Variants in KLF12 observed in about 807,000 individuals in gnomAD.
KLF12 encodes the protein Krueppel-like factor 12.
Under a neutral mutation model 37.8 loss-of-function variants are expected in KLF12, and 9 were observed. The ratio of observed to expected loss-of-function variants is 0.24; its 90% CI spans 0.14 to 0.42. KLF12 has a LOEUF of 0.42. Ranked by LOEUF, KLF12 falls within the 10% of genes least tolerant of loss-of-function variation. KLF12 has a pLI of 1.00. For missense variants in KLF12, 411 were observed against 516.0 expected (o/e 0.80, Z 1.97); for synonymous variants, 208 against 202.1 (o/e 1.03, Z -0.25).
At position 73,687,142 on chromosome 13, in the gene KLF12, A is replaced by G. The variant is rs937003182; in HGVS notation, c.*8348T>C. The G allele has an allele frequency of 5.9e-5, 9 of 152,600 alleles. No homozygotes were observed. Among genetic ancestry groups the G allele is most frequent in the Non-Finnish European group, 2.9e-5 (2 of 68,030 alleles). The allele number at this position is 152,600 out of a possible 1,614,324, so 9.5% of individuals were successfully genotyped here. ...TACATTCTTCTATGGACAAACATGA[A>G]TTTGCTGGTTTCTCTTTTTTTAAAT... is the stretch of plus-strand genomic sequence containing the variant. On this transcript the variant is annotated 3_prime_UTR_variant, in exon 8 of 8. Transcript: ENST00000377669.
chr13:74,154,345 T>C, the KLF12 span, among the ~76,000 whole-genome samples: 1 of 152,038 alleles, frequency 6.6e-6, no homozygotes, highest in African/African-American at 2.4e-5. Flanking sequence ...TTTATCCCAT[T>C]ATAAGTATTT....
the KLF12 span, among the ~76,000 whole-genome samples, chr13:74,143,554 C>G: frequency 6.6e-6 from 1 of 152,186 alleles, no homozygotes; most frequent in Non-Finnish European, 1.5e-5. Context: ...TGAAGCTATA[C>G]TATTGCTTTC....
At chr13:73,857,313 T>C (rs185493114) in intron 3 of KLF12, among the ~76,000 whole-genome samples, 126 of 152,328 alleles carry the variant, frequency 8.3e-4, no homozygotes, top group African/African-American at 3.0e-3. Flanking sequence ...TGACGTGTTC[T>C]AGAAAACTTT....
the KLF12 span, among the ~76,000 whole-genome samples, chr13:74,148,420 T>TTTTTTTTTTTG: frequency 6.9e-6 from 1 of 145,128 alleles, no homozygotes; most frequent in Admixed American, 6.9e-5. Flanking sequence ...TTTTTTTTTT[T>TTTTTTTTTTTG]TTTTTTCTGT....
intron 1 of KLF12, among the ~76,000 whole-genome samples, chr13:74,032,386 C>T (rs977933352): frequency 6.6e-6 from 1 of 152,126 alleles, no homozygotes; most frequent in Non-Finnish European, 1.5e-5. Flanking sequence ...GGGAGCTCTC[C>T]ATAGTCTGGT....
the KLF12 span, among the ~76,000 whole-genome samples, chr13:74,224,191 A>G: frequency 5.3e-5 from 8 of 152,190 alleles, no homozygotes; most frequent in South Asian, 2.1e-4. Context: ...TGATGGCTCA[A>G]TGGGATCAAC....
the KLF12 span, among the ~76,000 whole-genome samples, chr13:74,297,000 A>G: frequency 6.6e-6 from 1 of 152,206 alleles, no homozygotes; most frequent in South Asian, 2.1e-4. Context: ...ACCTCTTGGT[A>G]ACATAGCAAC....
At chr13:73,861,951 T>C (rs960801700) in intron 3 of KLF12, among the ~76,000 whole-genome samples, 1 of 152,126 alleles carries the variant, frequency 6.6e-6, no homozygotes, top group African/African-American at 2.4e-5. Flanking sequence ...TATATACAAA[T>C]GTGTGTGTCT....
At chr13:74,210,433 A>C in the KLF12 span, among the ~76,000 whole-genome samples, 5 of 152,202 alleles carry the variant, frequency 3.3e-5, no homozygotes, top group Non-Finnish European at 7.4e-5. Context: ...AAGATTCTAA[A>C]GCCTGCTGTA....
intron 1 of KLF12, among the ~76,000 whole-genome samples, chr13:74,037,915 T>G (rs1893300848): frequency 6.6e-6 from 1 of 152,140 alleles, no homozygotes; most frequent in Non-Finnish European, 1.5e-5. Flanking sequence ...GTCAGGATGA[T>G]TAAAATCCTG....
At chr13:74,105,054 C>A (rs1238770874) in intron 1 of KLF12, among the ~76,000 whole-genome samples, 1 of 152,138 alleles carries the variant, frequency 6.6e-6, no homozygotes, top group African/African-American at 2.4e-5. Context: ...AGTACATCCC[C>A]AGGGCCAAGT....
At chr13:73,880,946 C>T (rs1886951484) in intron 3 of KLF12, among the ~76,000 whole-genome samples, 1 of 152,158 alleles carries the variant, frequency 6.6e-6, no homozygotes, top group South Asian at 2.1e-4. Context: ...GAAAATAAAA[C>T]ATACACCTAC....
At chr13:74,068,316 G>C (rs1407328300) in intron 1 of KLF12, among the ~76,000 whole-genome samples, 2 of 152,044 alleles carry the variant, frequency 1.3e-5, no homozygotes, top group African/African-American at 4.8e-5. Flanking sequence ...TTTTAATACT[G>C]AATAAGGAAG....
the KLF12 span, among the ~76,000 whole-genome samples, chr13:74,251,581 A>G: frequency 6.6e-6 from 1 of 151,982 alleles, no homozygotes; most frequent in East Asian, 1.9e-4. Context: ...GCTCCTTGCC[A>G]CCTTACTCTC....
At chr13:73,858,986 T>C (rs1339246166) in intron 3 of KLF12, among the ~76,000 whole-genome samples, 3 of 152,214 alleles carry the variant, frequency 2.0e-5, no homozygotes, top group African/African-American at 4.8e-5. Context: ...ACCATTAATA[T>C]TTACTACAAC....
rs1411931198 is a variant in KLF12, at chr13:73,715,660, C to T, written c.870-135G>A. On this transcript the variant is annotated intron_variant, in intron 6 of 7. Transcript: ENST00000377669. ...ACCATGACCACAGTTCTTGCTACCA[C>T]TATCTTGGGCAGATCTCACTTTTCG... 4 of 856,426 alleles carry T rather than the reference C, an allele frequency of 4.7e-6. No individual in the cohort carries two copies. In the African/African-American group the frequency reaches 6.8e-5, roughly 15 times the overall value. 53.1% of individuals were successfully genotyped at this position (856,426 alleles called of 1,614,324 possible). A position where few individuals can be genotyped will look rare whatever the true frequency, so the allele number is the denominator to read the frequency against.
chr13:73,770,525 CT>C (rs35793245), intron 5 of KLF12, among the ~76,000 whole-genome samples: 66,310 of 144,222 alleles, frequency 0.46, 15,350 homozygotes, highest in Middle Eastern at 0.56. Context: ...AATATGTGAA[CT>C]TTTTTTTTTT....
intron 3 of KLF12, among the ~76,000 whole-genome samples, chr13:73,935,562 G>A (rs1329982500): frequency 6.6e-6 from 1 of 152,050 alleles, no homozygotes; most frequent in Non-Finnish European, 1.5e-5. Flanking sequence ...TTCACAAGTT[G>A]TTATCCTGGC....
intron 3 of KLF12, among the ~76,000 whole-genome samples, chr13:73,868,417 G>A (rs1366284762): frequency 6.6e-6 from 1 of 151,162 alleles, no homozygotes; most frequent in Non-Finnish European, 1.5e-5. Flanking sequence ...TTGAGACAGA[G>A]TCTCACTGTC....
Sources: gnomAD v4.1 joint callset for allele counts (sites outside exome capture counted in the v4.1 genomes callset) on GRCh38, gnomAD v4.1.1 for gene constraint, MANE v1.5 for transcripts, NCBI Gene and HGNC (gene_info 2026-07-23, HGNC 2026-07-21) for gene names.